NAV2: variants seen among roughly 807,000 people sequenced by gnomAD.
NAV2 encodes the protein helicase, APC down-regulated 1.
A neutral mutation model predicts 223.2 loss-of-function variants in NAV2; 54 were observed. That is an observed-to-expected ratio of 0.24 (90% CI 0.19 to 0.30). NAV2 has a LOEUF of 0.30. Ranked by LOEUF, NAV2 falls within the 10% of genes least tolerant of loss-of-function variation. The pLI is 1.00. For synonymous variants in NAV2, 1,279 were observed against 1,239.3 expected, an observed-to-expected ratio of 1.03 and a Z score of -0.67; for missense variants, 2,806 against 3,147.5, an observed-to-expected ratio of 0.89 and a Z score of 2.60.
intron 10 of NAV2, among the ~76,000 whole-genome samples, chr11:19,957,762 G>A (rs906989617): frequency 7.2e-5 from 11 of 152,340 alleles, no homozygotes; most frequent in African/African-American, 2.6e-4. Flanking sequence ...GACTTAGCAG[G>A]CTGAGACCTG....
chr11:20,046,794 A>G (rs1191760809), intron 14 of NAV2, among the ~76,000 whole-genome samples: 3 of 152,176 alleles, frequency 2.0e-5, no homozygotes, highest in East Asian at 1.9e-4. Context: ...TGTTCGTATT[A>G]TCTTATTATA....
intron 1 of NAV2, among the ~76,000 whole-genome samples, chr11:19,617,808 G>A (rs1042196647): frequency 6.6e-6 from 1 of 152,062 alleles, no homozygotes; most frequent in Non-Finnish European, 1.5e-5. Flanking sequence ...TGGTGGCTAA[G>A]TCCCTACACA....
chr11:19,496,468 T>C (rs1300056611), intron 1 of NAV2, among the ~76,000 whole-genome samples: 1 of 152,236 alleles, frequency 6.6e-6, no homozygotes, highest in Non-Finnish European at 1.5e-5. Flanking sequence ...TTAGTGCTGA[T>C]TGCAAGAGAA....
chr11:19,622,106 C>A (rs2047016061), intron 1 of NAV2, among the ~76,000 whole-genome samples: 1 of 152,176 alleles, frequency 6.6e-6, no homozygotes. Flanking sequence ...TTTGATGGCA[C>A]TGTGGTCTGA....
At chr11:19,419,020 A>T (rs2702739) in intron 1 of NAV2, among the ~76,000 whole-genome samples, 1 of 151,810 alleles carries the variant, frequency 6.6e-6, no homozygotes, top group Non-Finnish European at 1.5e-5. Flanking sequence ...AGTAATAGGG[A>T]CTCAAGGAGG....
intron 1 of NAV2, among the ~76,000 whole-genome samples, chr11:19,396,749 A>G (rs1011667448): frequency 1.3e-5 from 2 of 152,198 alleles, no homozygotes; most frequent in Non-Finnish European, 2.9e-5. Context: ...AGTGGGATCC[A>G]GATATTTGTG....
chr11:19,866,672 G>A (rs1426008283), intron 3 of NAV2, among the ~76,000 whole-genome samples: 2 of 152,144 alleles, frequency 1.3e-5, no homozygotes, highest in Non-Finnish European at 2.9e-5. Context: ...AAATAGTGTT[G>A]TAGTAGAGCA....
intron 1 of NAV2, among the ~76,000 whole-genome samples, chr11:19,817,156 T>C (rs982387679): frequency 1.3e-5 from 2 of 152,204 alleles, no homozygotes; most frequent in Non-Finnish European, 2.9e-5. Context: ...GGAATTTTAA[T>C]AAGCAATGTA....
intron 1 of NAV2, among the ~76,000 whole-genome samples, chr11:19,806,087 T>G (rs1000766594): frequency 5.9e-5 from 9 of 152,242 alleles, no homozygotes; most frequent in Admixed American, 4.6e-4. Context: ...AGCTCATTCA[T>G]GCTGAATTTG....
chr11:19,777,477 T>A, intron 1 of NAV2: 1 of 454,882 alleles, frequency 2.2e-6, no homozygotes, highest in South Asian at 1.6e-5. Flanking sequence ...ATGAGCGTGA[T>A]GCTGTGGCGC....
At chr11:19,581,538 C>G (rs2045717451) in intron 1 of NAV2, among the ~76,000 whole-genome samples, 1 of 152,088 alleles carries the variant, frequency 6.6e-6, no homozygotes, top group African/African-American at 2.4e-5. Context: ...CACAACAGGC[C>G]CCAGTGTGTG....
At chr11:19,432,207 A>G (rs950198779) in intron 1 of NAV2, among the ~76,000 whole-genome samples, 47 of 152,264 alleles carry the variant, frequency 3.1e-4, no homozygotes, top group African/African-American at 1.1e-3. Context: ...CAAAAAAAAA[A>G]AAAAAAAGCA....
chr11:19,600,416 A>G lies in NAV2; in HGVS notation c.76-232068A>G, dbSNP rs189113615. On this transcript the variant is annotated intron_variant, in intron 1 of 37. Coordinates refer to the NAV2 transcript ENST00000360655. Reference sequence around the variant, plus strand: ...TCTGCTAAAGCAACCAACTGCTCTAACATTGTGTGCACTGGATAAAATTAT... The same window carrying G: ...TCTGCTAAAGCAACCAACTGCTCTAGCATTGTGTGCACTGGATAAAATTAT... Among the ~76,000 whole-genome samples, 625 of 152,382 alleles carry G rather than the reference A, an allele frequency of 4.1e-3. 5 individuals carry two copies. Among genetic ancestry groups the G allele is most frequent in the African/African-American group, 0.013 (535 of 41,596 alleles).
chr11:19,824,682 G>A (rs577802797), intron 1 of NAV2, among the ~76,000 whole-genome samples: 5 of 152,272 alleles, frequency 3.3e-5, no homozygotes, highest in African/African-American at 1.2e-4. Flanking sequence ...GTGGGAAAAA[G>A]CCACCAGCTA....
At chr11:20,071,811 T>C (rs1280251126) in intron 22 of NAV2, among the ~76,000 whole-genome samples, 2 of 152,228 alleles carry the variant, frequency 1.3e-5, no homozygotes, top group Non-Finnish European at 2.9e-5. Flanking sequence ...TTTGTTTAAG[T>C]TCTTTATAAA....
At chr11:19,420,214 T>C (rs1293279060) in intron 1 of NAV2, among the ~76,000 whole-genome samples, 1 of 152,142 alleles carries the variant, frequency 6.6e-6, no homozygotes, top group Non-Finnish European at 1.5e-5. Flanking sequence ...TTGTGCAGTT[T>C]GGAAAAAAAC....
At chr11:19,741,497 CTT>C (rs71050682) in intron 1 of NAV2, among the ~76,000 whole-genome samples, 98 of 114,902 alleles carry the variant, frequency 8.5e-4, no homozygotes, top group East Asian at 3.5e-3. Flanking sequence ...TTCTTTCTTT[CTT>C]TTTTTTTTTT....
At chr11:19,802,231 T>A (rs747843178) in intron 1 of NAV2, among the ~76,000 whole-genome samples, 12 of 152,106 alleles carry the variant, frequency 7.9e-5, no homozygotes, top group Non-Finnish European at 8.8e-5. Context: ...AGAAGGTCTT[T>A]ACCCCTGGCA....
chr11:19,901,648 C>T (rs1474849051), intron 6 of NAV2, among the ~76,000 whole-genome samples: 1 of 152,162 alleles, frequency 6.6e-6, no homozygotes, highest in Non-Finnish European at 1.5e-5. Context: ...ATGCCTAGCA[C>T]ATAGCAGGAG....
Sources: allele counts gnomAD v4.1 joint callset (sites outside exome capture counted in the v4.1 genomes callset), GRCh38; gene constraint gnomAD v4.1.1; transcripts MANE v1.5; gene names NCBI Gene and HGNC (gene_info 2026-07-23, HGNC 2026-07-21).